The following SPART variants were observed in gnomAD, a reference collection of about 807,000 sequenced individuals.
The protein encoded by SPART is spartin.
A neutral mutation model predicts 58.7 loss-of-function variants in SPART; 35 were observed. The observed-to-expected ratio is 0.60, with a 90% confidence interval of 0.46 to 0.79. The LOEUF (loss-of-function observed/expected upper bound fraction) is 0.79, where lower values mean the gene tolerates loss of function less well. Ranked by LOEUF, SPART falls within the 30% of genes least tolerant of loss-of-function variation. The pLI is 0.00. For synonymous variants in SPART, 284 were observed against 280.7 expected, an observed-to-expected ratio of 1.01 and a Z score of -0.12; for missense variants, 730 against 786.1, an observed-to-expected ratio of 0.93 and a Z score of 0.85.
At position 36,306,135 on chromosome 13, in the gene SPART, A is replaced by G. The variant is rs568389819; in HGVS notation, c.1734-1503T>C. 5.3e-5 allele frequency among the ~76,000 whole-genome samples: 8 copies of G among 152,304 alleles called. No homozygotes were observed. In the East Asian group the frequency reaches 1.5e-3, roughly 29 times the overall value. On this transcript the variant is annotated intron_variant, in intron 8 of 8. Transcript: ENST00000438666. ...CAGAGCCTAGTCTGTCAAACCTTCC[A>G]AGTCTGTACTACTCTTAATTGGGGG...
At chr13:36,329,769 A>G (rs552758639) in intron 3 of SPART, among the ~76,000 whole-genome samples, 1 of 152,370 alleles carries the variant, frequency 6.6e-6, no homozygotes, top group East Asian at 1.9e-4. Flanking sequence ...AAGACAACTT[A>G]TAGCAGTTGT....
chr13:36,341,348 A>C (rs1394861594), intron 1 of SPART, among the ~76,000 whole-genome samples: 4 of 152,244 alleles, frequency 2.6e-5, no homozygotes, highest in Admixed American at 2.6e-4. Flanking sequence ...GTTAATTTCA[A>C]TGATAGTATC....
intron 1 of SPART, among the ~76,000 whole-genome samples, chr13:36,364,716 T>C (rs1885991383): frequency 2.0e-5 from 3 of 152,210 alleles, no homozygotes; most frequent in Admixed American, 1.3e-4. Context: ...AAGTTCATAA[T>C]CTATCTGTCT....
At chr13:36,351,821 GA>G (rs1885421397) in intron 1 of SPART, among the ~76,000 whole-genome samples, 1 of 152,118 alleles carries the variant, frequency 6.6e-6, no homozygotes, top group Non-Finnish European at 1.5e-5. Context: ...TTCACATGCT[GA>G]AAATATAGTA....
chr13:36,304,072 G>T lies in SPART; in HGVS notation c.*293C>A. On this transcript the variant is annotated 3_prime_UTR_variant, in exon 9 of 9. Transcript: ENST00000438666. ...AATAGTTCAATATTAGGTTTAACAA[G>T]GTTTGAACAACACATGTACTATCAG... 2.3e-6 allele frequency: 1 copy of T among 425,800 alleles called. No homozygotes were observed. The highest frequency in any genetic ancestry group is 4.2e-6 in the Non-Finnish European group (1 of 236,212). The allele number at this position is 425,800 out of a possible 1,614,324, so 26.4% of individuals were successfully genotyped here.
chr13:36,306,323 C>T lies in SPART; in HGVS notation c.1734-1691G>A, dbSNP rs114990871. Among the ~76,000 whole-genome samples, 804 of 152,160 alleles carry T rather than the reference C, an allele frequency of 5.3e-3. 9 individuals carry two copies. The highest frequency in any genetic ancestry group is 0.019 in the African/African-American group (778 of 41,528). On this transcript the variant is annotated intron_variant, in intron 8 of 8. Transcript: ENST00000438666. ...AACCAAGCCCCAGTAACAAATACTA[C>T]TGTCAGGTGGTAATGGCTGTGTCTA...
At chr13:36,308,605 A>C (rs1271378122) in intron 8 of SPART, among the ~76,000 whole-genome samples, 2 of 151,450 alleles carry the variant, frequency 1.3e-5, no homozygotes, top group African/African-American at 4.9e-5. Flanking sequence ...TGTGAATCCC[A>C]AACTTTTAAT....
At chr13:36,346,549 G>C (rs574143386), upstream of SPART, 3 of 152,508 alleles carry the variant, frequency 2.0e-5, no homozygotes, top group Non-Finnish European at 4.4e-5. Flanking sequence ...ATTCATCACC[G>C]GCCTGCTCAG....
intron 5 of SPART, among the ~76,000 whole-genome samples, chr13:36,324,281 G>A (rs952661621): frequency 1.3e-5 from 2 of 152,186 alleles, no homozygotes; most frequent in African/African-American, 4.8e-5. Flanking sequence ...TGCAGCTTCT[G>A]TCTGTTTGCT....
At chr13:36,361,475 G>A (rs1247025961) in intron 1 of SPART, among the ~76,000 whole-genome samples, 1 of 152,150 alleles carries the variant, frequency 6.6e-6, no homozygotes, top group East Asian at 1.9e-4. Context: ...TGTGCTCTCA[G>A]CTGACTGCAA....
intron 5 of SPART, among the ~76,000 whole-genome samples, chr13:36,318,947 CT>C (rs1241137935): frequency 6.6e-6 from 1 of 152,198 alleles, no homozygotes; most frequent in Non-Finnish European, 1.5e-5. Flanking sequence ...CGGAAGCCCC[CT>C]AGACCATCAC....
chr13:36,331,366 T>G, intron 3 of SPART, 33 bp downstream of exon 3: 3 of 1,599,870 alleles, frequency 1.9e-6, no homozygotes, highest in Non-Finnish European at 2.6e-6. Context: ...TAAAGTAGAT[T>G]TTTTTCACCC....
intron 1 of SPART, among the ~76,000 whole-genome samples, chr13:36,344,527 T>C (rs1373364363): frequency 2.6e-5 from 4 of 152,170 alleles, no homozygotes; most frequent in Non-Finnish European, 4.4e-5. Flanking sequence ...TAATGGTCAA[T>C]TTCAGTCTAA....
chr13:36,341,069 A>G (rs1393064935), intron 1 of SPART, among the ~76,000 whole-genome samples: 3 of 152,234 alleles, frequency 2.0e-5, no homozygotes, highest in African/African-American at 7.2e-5. Flanking sequence ...GTTAATGGAC[A>G]GTGCCTAAAA....
At chr13:36,369,874 G>T (rs1174908095) in intron 1 of SPART, among the ~76,000 whole-genome samples, 4 of 152,096 alleles carry the variant, frequency 2.6e-5, no homozygotes, top group African/African-American at 7.2e-5. Context: ...CATACCTTTG[G>T]CTTTCTGTTG....
At chr13:36,339,921 T>C (rs1884413838) in intron 1 of SPART, among the ~76,000 whole-genome samples, 1 of 151,730 alleles carries the variant, frequency 6.6e-6, no homozygotes, top group Non-Finnish European at 1.5e-5. Flanking sequence ...ATCAAAAAAT[T>C]AGCCAGACAT....
At chr13:36,331,663 T>A in intron 2 of SPART, 67 bp from the exon 3 acceptor site, 4 of 1,203,674 alleles carry the variant, frequency 3.3e-6, no homozygotes, top group Non-Finnish European at 4.7e-6. Flanking sequence ...TTCATTTATG[T>A]TTTAATAAAA....
At chr13:36,314,839 A>C (rs1881514473) in intron 5 of SPART, among the ~76,000 whole-genome samples, 1 of 152,150 alleles carries the variant, frequency 6.6e-6, no homozygotes, top group Non-Finnish European at 1.5e-5. Flanking sequence ...TTCCCCATGA[A>C]ATCTTGAGGG....
At chr13:36,333,454 A>C (rs1350277607) in intron 2 of SPART, among the ~76,000 whole-genome samples, 3 of 150,938 alleles carry the variant, frequency 2.0e-5, no homozygotes, top group Non-Finnish European at 4.4e-5. Flanking sequence ...TTGGATAAAA[A>C]CATTCAGTAA....
Sources: allele counts gnomAD v4.1 joint callset (sites outside exome capture counted in the v4.1 genomes callset), GRCh38; gene constraint gnomAD v4.1.1; transcripts MANE v1.5; gene names NCBI Gene and HGNC (gene_info 2026-07-23, HGNC 2026-07-21).